RASGRF1: variants seen among roughly 807,000 people sequenced by gnomAD.
RASGRF1 encodes the protein Ras protein specific guanine nucleotide releasing factor 1.
In RASGRF1, 40 loss-of-function variants were observed where a neutral mutation model predicts 138.7. The ratio of observed to expected loss-of-function variants is 0.29; its 90% CI spans 0.22 to 0.38. The LOEUF (loss-of-function observed/expected upper bound fraction) is 0.38. Ranked by LOEUF, RASGRF1 falls within the 10% of genes least tolerant of loss-of-function variation. The probability of loss-of-function intolerance (pLI) is 1.00; values close to 1 mark genes in which losing one functional copy is unlikely to be tolerated. For missense variants in RASGRF1, 1,108 were observed against 1,650.4 expected (o/e 0.67, Z 5.69); for synonymous variants, 614 against 663.2 (o/e 0.93, Z 1.14).
chr15:79,089,423 C>G (rs1203372744), intron 1 of RASGRF1, among the ~76,000 whole-genome samples: 1 of 152,254 alleles, frequency 6.6e-6, no homozygotes, highest in East Asian at 1.9e-4. Context: ...CTGTTAGAGC[C>G]AGGCCTGGCT....
chr15:79,011,054 C>T (rs1329011402), intron 13 of RASGRF1, among the ~76,000 whole-genome samples: 3 of 152,072 alleles, frequency 2.0e-5, no homozygotes, highest in Non-Finnish European at 4.4e-5. Context: ...AAGGAATACC[C>T]CCCACTTCCC....
intron 13 of RASGRF1, among the ~76,000 whole-genome samples, chr15:79,008,171 A>T (rs2056723203): frequency 6.6e-6 from 1 of 152,232 alleles, no homozygotes; most frequent in Admixed American, 6.5e-5. Flanking sequence ...TCTTCTACCT[A>T]GGAGTGCAGA....
intron 1 of RASGRF1, among the ~76,000 whole-genome samples, chr15:79,072,436 C>T (rs186977291): frequency 8.6e-5 from 13 of 151,758 alleles, no homozygotes; most frequent in South Asian, 4.2e-4. Flanking sequence ...CCACCACGCC[C>T]GGCTAATTTT....
At chr15:79,044,107 A>G (rs577853029) in intron 5 of RASGRF1, among the ~76,000 whole-genome samples, 36 of 152,284 alleles carry the variant, frequency 2.4e-4, no homozygotes, top group Non-Finnish European at 5.9e-5. Flanking sequence ...CCTGTCTACC[A>G]GCCTCCCATA....
At chr15:79,066,602 G>C (rs2057684248) in intron 1 of RASGRF1, among the ~76,000 whole-genome samples, 1 of 152,206 alleles carries the variant, frequency 6.6e-6, no homozygotes, top group African/African-American at 2.4e-5. Context: ...AGCTGCATGG[G>C]GTGATGGGCT....
rs2057148400 is a variant in RASGRF1 at position 79,032,103 on chromosome 15, C to T, written c.1152+20G>A. The T allele has an allele frequency of 1.9e-6, 3 of 1,609,456 alleles. No homozygotes were observed. The highest frequency in any genetic ancestry group is 2.5e-6 in the Non-Finnish European group (3 of 1,177,356). ...CCTGCCTCCCTGACTCTACCCCACC[C>T]AGGCAGGGCCGGACGCCACCTGGAA... On this transcript the variant is annotated intron_variant, in intron 7 of 26. Transcript: ENST00000558480. This position sits in a 1 kb window ranked among gnomAD's most constrained non-coding sequence, Gnocchi z 4.5.
At chr15:79,014,922 AACAAAAAACAAAAAAC>A (rs780916894) in intron 13 of RASGRF1, among the ~76,000 whole-genome samples, 11 of 126,484 alleles carry the variant, frequency 8.7e-5, no homozygotes, top group African/African-American at 1.9e-4. Context: ...GTCTCAAAAA[AACAAAAAACAAAAAAC>A]AAAAAACAAA....
intron 1 of RASGRF1, among the ~76,000 whole-genome samples, chr15:79,069,236 C>A (rs1848145589): frequency 6.6e-6 from 1 of 152,122 alleles, no homozygotes; most frequent in Non-Finnish European, 1.5e-5. Context: ...GAATGCTTCA[C>A]CTTGGGGTTC....
intron 13 of RASGRF1, among the ~76,000 whole-genome samples, chr15:79,014,338 C>T (rs2056844900): frequency 6.6e-6 from 1 of 152,178 alleles, no homozygotes; most frequent in South Asian, 2.1e-4. Flanking sequence ...TGGAACTAAC[C>T]CAAATGTCCA....
intron 24 of RASGRF1, among the ~76,000 whole-genome samples, chr15:78,978,211 T>C (rs2055913826): frequency 1.2e-5 from 1 of 84,220 alleles, no homozygotes; most frequent in African/African-American, 4.4e-5. Flanking sequence ...TTTCTTTTTC[T>C]TTTCTTTTGT....
At chr15:78,968,298 G>T (rs530931516) in intron 26 of RASGRF1, among the ~76,000 whole-genome samples, 1 of 124,896 alleles carries the variant, frequency 8.0e-6, no homozygotes, top group African/African-American at 2.8e-5. Flanking sequence ...TAGACACAAA[G>T]CCTCACTCTG....
chr15:78,971,742 T>G, intron 26 of RASGRF1, 124 bp downstream of exon 26: 1 of 918,300 alleles, frequency 1.1e-6, no homozygotes, highest in Non-Finnish European at 1.8e-6. Flanking sequence ...GGGATGGCAT[T>G]TGAGCTGGGC....
rs552954838 is a variant in RASGRF1 at position 79,073,403 on chromosome 15, A to G, written c.277-8877T>C. Among the ~76,000 whole-genome samples the G allele has an allele frequency of 6.6e-6, 1 of 152,186 alleles. No homozygotes were observed. The highest frequency in any genetic ancestry group is 2.1e-4 in the South Asian group (1 of 4,816). On this transcript the variant is annotated intron_variant, in intron 1 of 26. Transcript: ENST00000558480. This position sits in a 1 kb window ranked among gnomAD's most constrained non-coding sequence, Gnocchi z 4.2. ...GGCTCCCCAAACTGCCCCAACAGGG[A>G]AGTGAGGCGGGGAGTTTGCCTTAGG...
Position 78,973,830 on chromosome 15 carries a change from G to A in RASGRF1, c.3495-410C>T, listed in dbSNP as rs2055820187. Among the ~76,000 whole-genome samples, 2 of 151,988 alleles carry A rather than the reference G, an allele frequency of 1.3e-5. No individual in the cohort carries two copies. The highest frequency in any genetic ancestry group is 4.8e-5 in the African/African-American group (2 of 41,368). ...CGGATCCTCCCCCGAATCACCTCCTGGAGGGCTCTGCAGCCCCAGCCCCCC... is the reference window on the plus strand; with the variant it reads ...CGGATCCTCCCCCGAATCACCTCCTAGAGGGCTCTGCAGCCCCAGCCCCCC... On this transcript the variant is annotated intron_variant, in intron 24 of 26. Transcript: ENST00000558480. The surrounding 1 kb of genome is among the most constrained non-coding windows in gnomAD (Gnocchi z 4.9).
At chr15:78,975,825 T>C (rs1393687757) in intron 24 of RASGRF1, among the ~76,000 whole-genome samples, 1 of 152,182 alleles carries the variant, frequency 6.6e-6, no homozygotes, top group African/African-American at 2.4e-5. Flanking sequence ...CGGCCAGCTC[T>C]TCATTTCCTT....
intron 26 of RASGRF1, among the ~76,000 whole-genome samples, chr15:78,969,687 G>T (rs74901718): frequency 0.021 from 3,247 of 152,034 alleles, 108 homozygotes; most frequent in African/African-American, 0.074. Flanking sequence ...GAAAAGAAAA[G>T]AAAAGAAAAT....
intron 13 of RASGRF1, among the ~76,000 whole-genome samples, chr15:79,011,239 C>T (rs149004060): frequency 1.2e-3 from 182 of 152,218 alleles, no homozygotes; most frequent in Non-Finnish European, 2.3e-3. Context: ...CCACCGCCAG[C>T]CCCATCTTTC....
At position 79,003,784 on chromosome 15, in the gene RASGRF1, G is replaced by A. The variant is rs781721669; in HGVS notation, c.2449+18C>T. 1.9e-5 allele frequency: 29 copies of A among 1,566,760 alleles called. No homozygotes were observed. The highest frequency in any genetic ancestry group is 1.5e-4 in the African/African-American group (11 of 73,928). On this transcript the variant is annotated intron_variant, in intron 15 of 26. Coordinates refer to ENST00000558480, the MANE Select transcript of RASGRF1 (RefSeq NM_001145648.3). ...GGCTGGGAGGCTGGGGGGCAGCTCC[G>A]ACGGCATGGCCACTCACTCTGCTTG...
chr15:79,007,446 T>C (rs1348932009), intron 13 of RASGRF1, among the ~76,000 whole-genome samples: 2 of 152,228 alleles, frequency 1.3e-5, no homozygotes, highest in African/African-American at 4.8e-5. Context: ...TTGTTTTGAC[T>C]ACCAAGAATC....
Sources: gnomAD v4.1 joint callset for allele counts (sites outside exome capture counted in the v4.1 genomes callset) on GRCh38, gnomAD v4.1.1 for gene constraint, Gnocchi (gnomAD v3.1) non-coding constraint, MANE v1.5 for transcripts, NCBI Gene and HGNC (gene_info 2026-07-23, HGNC 2026-07-21) for gene names.